Variants in GALNT18 observed in about 807,000 individuals in gnomAD.
GALNT18 encodes GalNAc-transferase 18.
GALNT18 carries 44 observed loss-of-function variants against 69.5 expected under a neutral mutation model. The observed-to-expected ratio is 0.63, with a 90% CI of 0.50 to 0.81. GALNT18 has a LOEUF of 0.81. Among genes scored for constraint, GALNT18 ranks in the 40% least tolerant of loss-of-function variants. The pLI is 0.00. For synonymous variants in GALNT18, 364 were observed against 318.2 expected (o/e 1.14, Z -1.53); for missense variants, 715 against 810.0 (o/e 0.88, Z 1.42).
intron 1 of GALNT18, among the ~76,000 whole-genome samples, chr11:11,490,677 A>G (rs7116469): frequency 0.73 from 111,757 of 152,116 alleles, 42,661 homozygotes; most frequent in South Asian, 0.88. Flanking sequence ...CAAGTCTTCC[A>G]TGGAACCATC....
At chr11:11,335,425 G>A (rs1223008684) in intron 7 of GALNT18, among the ~76,000 whole-genome samples, 1 of 152,170 alleles carries the variant, frequency 6.6e-6, no homozygotes, top group African/African-American at 2.4e-5. Flanking sequence ...CAAAGCAGGA[G>A]GCATATATTG....
At chr11:11,335,009 C>G (rs1207121439) in intron 7 of GALNT18, among the ~76,000 whole-genome samples, 1 of 152,238 alleles carries the variant, frequency 6.6e-6, no homozygotes, top group Non-Finnish European at 1.5e-5. Context: ...AAAACTGTGT[C>G]CCAGGACCCA....
intron 3 of GALNT18, among the ~76,000 whole-genome samples, chr11:11,428,619 C>T (rs1429967061): frequency 6.6e-6 from 1 of 152,232 alleles, no homozygotes; most frequent in Non-Finnish European, 1.5e-5. Flanking sequence ...TCCTCAGAGG[C>T]CCTGCTCCAA....
rs760150989 is a variant in GALNT18, at chr11:11,389,259, T to C, written c.596-9995A>G. On this transcript the variant is annotated intron_variant, in intron 3 of 10. Coordinates refer to ENST00000227756, the MANE Select transcript of GALNT18 (RefSeq NM_198516.3). The surrounding 1 kb of genome is among the most constrained non-coding windows in gnomAD (Gnocchi z 4.3). ...CTCTTTTCCAGTCTGTCCAGCAGCC[T>C]TCCGAAGGAGTCAGCTTTGTAGGCT... Among the ~76,000 whole-genome samples the C allele has an allele frequency of 6.6e-6, 1 of 152,216 alleles. No homozygotes were observed. Among genetic ancestry groups the C allele is most frequent in the Non-Finnish European group, 1.5e-5 (1 of 68,038 alleles).
Position 11,563,721 on chromosome 11 carries a change from T to TGG in GALNT18, c.235+57637_235+57638insCC, listed in dbSNP as rs1177123146. On this transcript the variant is annotated intron_variant, in intron 1 of 10. Coordinates refer to ENST00000227756, the MANE Select transcript of GALNT18 (RefSeq NM_198516.3). The surrounding 1 kb of genome is among the most constrained non-coding windows in gnomAD (Gnocchi z 4.6). ...TCCCAACGCCAAGTCTAACACTCTC[T>TGG]CCTCCCAGCCCTGCCTCCCTAGCAC... Among the ~76,000 whole-genome samples, 3 of 152,106 alleles carry TGG rather than the reference T, an allele frequency of 2.0e-5. No homozygotes were observed. Among genetic ancestry groups the TGG allele is most frequent in the Non-Finnish European group, 4.4e-5 (3 of 68,026 alleles).
intron 6 of GALNT18, among the ~76,000 whole-genome samples, chr11:11,345,689 G>A (rs1292386739): frequency 1.3e-5 from 2 of 152,142 alleles, no homozygotes; most frequent in Admixed American, 6.6e-5. Context: ...GATGAAGTGT[G>A]GGTACAGGGA....
Position 11,432,759 on chromosome 11 carries a change from G to A in GALNT18, c.457C>T (p.Leu153=), listed in dbSNP as rs1228030035. The A allele has an allele frequency of 1.9e-6, 3 of 1,614,124 alleles. No individual in the cohort carries two copies. The East Asian group carries it at 6.7e-5, about 36-fold the overall frequency. ...GCRNLSFPDS[L]PEVSIVFIFV... ...ATGAACACGATGCTCACCTCTGGCAGGCTGTCAGGAAATGAGAGGTTACGG... is the reference window on the plus strand; with the variant it reads ...ATGAACACGATGCTCACCTCTGGCAAGCTGTCAGGAAATGAGAGGTTACGG... Residue 153 remains leucine (L), a synonymous_variant, in exon 3 of 11, where the codon CTG becomes TTG. Coordinates refer to ENST00000227756, the MANE Select transcript of GALNT18 (RefSeq NM_198516.3). The surrounding 1 kb of genome is among the most constrained non-coding windows in gnomAD (Gnocchi z 5.8).
In GALNT18 at chr11:11,583,593, C is replaced by G. The variant is rs1859142374; in HGVS notation, c.235+37766G>C. Among the ~76,000 whole-genome samples the G allele has an allele frequency of 6.6e-6, 1 of 152,186 alleles. No homozygotes were observed. The highest frequency in any genetic ancestry group is 6.5e-5 in the Admixed American group (1 of 15,288). ...GCCCCAGCAAAGGATACATTTACAT[C>G]TCATTCCCCAAATGTAGGACATCCA... On this transcript the variant is annotated intron_variant, in intron 1 of 10. Coordinates refer to ENST00000227756, the MANE Select transcript of GALNT18 (RefSeq NM_198516.3). The surrounding 1 kb of genome is among the most constrained non-coding windows in gnomAD (Gnocchi z 4.7).
rs1004220194 is a variant in GALNT18 at position 11,463,927 on chromosome 11, A to T, written c.236-14991T>A. ...TGCTCATGATTTTGAAAGGGGGAAA[A>T]ATTAGTCCTTTCCATCTGGCAAATT... On this transcript the variant is annotated intron_variant, in intron 1 of 10. Transcript: ENST00000227756. The surrounding 1 kb of genome is among the most constrained non-coding windows in gnomAD (Gnocchi z 4.2). Among the ~76,000 whole-genome samples, 4 of 152,156 alleles carry T rather than the reference A, an allele frequency of 2.6e-5. No homozygotes were observed. Among genetic ancestry groups the T allele is most frequent in the African/African-American group, 9.7e-5 (4 of 41,434 alleles).
chr11:11,340,694 G>T lies in GALNT18; in HGVS notation c.1278+125C>A. ...AGCAAATAATATGTTTTGGGGTTGA[G>T]AGTCCATTCTTGCATGGCAAACAGG... is the stretch of plus-strand genomic sequence containing the variant. On this transcript the variant is annotated intron_variant, in intron 7 of 10. Coordinates refer to ENST00000227756, the MANE Select transcript of GALNT18 (RefSeq NM_198516.3). This position sits in a 1 kb window ranked among gnomAD's most constrained non-coding sequence, Gnocchi z 4.2. 1.2e-6 allele frequency: 1 copy of T among 858,996 alleles called. No individual in the cohort carries two copies. Among genetic ancestry groups the T allele is most frequent in the Non-Finnish European group, 1.8e-6 (1 of 557,350 alleles). The allele number at this position is 858,996 out of a possible 1,614,324, so 53.2% of individuals were successfully genotyped here. A position where few individuals can be genotyped will look rare whatever the true frequency, so the allele number is the denominator to read the frequency against.
intron 3 of GALNT18, among the ~76,000 whole-genome samples, chr11:11,397,532 C>T (rs777861506): frequency 3.3e-5 from 5 of 152,156 alleles, no homozygotes; most frequent in African/African-American, 9.7e-5. Context: ...GGCACCATCT[C>T]GGCTCACTGC....
chr11:11,295,689 C>G (rs541680440), intron 9 of GALNT18, among the ~76,000 whole-genome samples: 1 of 152,166 alleles, frequency 6.6e-6, no homozygotes, highest in South Asian at 2.1e-4. Context: ...ACGCTCATTA[C>G]AGCTAAGATC....
chr11:11,548,704 A>G (rs1858123031), intron 1 of GALNT18, among the ~76,000 whole-genome samples: 2 of 152,236 alleles, frequency 1.3e-5, no homozygotes, highest in South Asian at 4.1e-4. Flanking sequence ...AAACACATGC[A>G]CAATTTATCA....
chr11:11,404,437 C>T lies in GALNT18; in HGVS notation c.596-25173G>A, dbSNP rs1032231992. Among the ~76,000 whole-genome samples, 12 of 152,188 alleles carry T rather than the reference C, an allele frequency of 7.9e-5. No homozygotes were observed. The highest frequency in any genetic ancestry group is 2.7e-4 in the African/African-American group (11 of 41,444). The stretch of plus-strand genomic sequence containing the variant: ...AAGGCAAGAGGAGCAGGAGCAGGAG[C>T]TGAAGCACTCAAAGGCTGATGTAAG... On this transcript the variant is annotated intron_variant, in intron 3 of 10. Transcript: ENST00000227756. The surrounding 1 kb of genome is among the most constrained non-coding windows in gnomAD (Gnocchi z 4.5).
chr11:11,453,048 C>T (rs775587630), intron 1 of GALNT18, among the ~76,000 whole-genome samples: 2 of 152,180 alleles, frequency 1.3e-5, no homozygotes, highest in Non-Finnish European at 2.9e-5. Context: ...TCACCCAGCC[C>T]TGAGTGCTTG....
rs573104615 is a variant in GALNT18, at chr11:11,421,133, G to A, written c.595+11488C>T. On this transcript the variant is annotated intron_variant, in intron 3 of 10. Transcript: ENST00000227756. This position sits in a 1 kb window ranked among gnomAD's most constrained non-coding sequence, Gnocchi z 5.6. ...TCCTGATTCTCTAAGACAGTTTCCT[G>A]TATCGAGTAAAGGGGACAAGAGGAG... Among the ~76,000 whole-genome samples the A allele has an allele frequency of 3.0e-3, 453 of 152,184 alleles. 2 individuals are homozygous for A. The highest frequency in any genetic ancestry group is 0.011 in the African/African-American group (444 of 41,532).
chr11:11,424,743 C>A (rs1384388543), intron 3 of GALNT18, among the ~76,000 whole-genome samples: 1 of 152,116 alleles, frequency 6.6e-6, no homozygotes, highest in Non-Finnish European at 1.5e-5. Flanking sequence ...ACCTCCTAAT[C>A]CAGCTGGGGC....
rs1590131652 is a variant in GALNT18, at chr11:11,601,367, G to C, written c.235+19992C>G. On this transcript the variant is annotated intron_variant, in intron 1 of 10. Transcript: ENST00000227756. This position sits in a 1 kb window ranked among gnomAD's most constrained non-coding sequence, Gnocchi z 4.0. ...TGTGTAGTCTCTAATACTACTTCTT[G>C]AAGGTGAAACCTTAGGCATGTGCAC... 6.6e-6 allele frequency among the ~76,000 whole-genome samples: 1 copy of C among 152,206 alleles called. No homozygotes were observed. Among genetic ancestry groups the C allele is most frequent in the East Asian group, 1.9e-4 (1 of 5,176 alleles).
In GALNT18 at chr11:11,444,233, G is replaced by A. The variant is rs897710122; in HGVS notation, c.428+4511C>T. Among the ~76,000 whole-genome samples, 10 of 151,432 alleles carry A rather than the reference G, an allele frequency of 6.6e-5. No individual in the cohort carries two copies. Among genetic ancestry groups the A allele is most frequent in the Non-Finnish European group, 1.5e-4 (10 of 67,914 alleles). On this transcript the variant is annotated intron_variant, in intron 2 of 10. Coordinates refer to ENST00000227756, the MANE Select transcript of GALNT18 (RefSeq NM_198516.3). This position sits in a 1 kb window ranked among gnomAD's most constrained non-coding sequence, Gnocchi z 4.4. ...GGCCCCGCCTCCCTGCCACAGAGAG[G>A]TGCCTTGCAGATGCCACCCTCCAGG...
Sources: gnomAD v4.1 joint callset for allele counts (sites outside exome capture counted in the v4.1 genomes callset) on GRCh38, gnomAD v4.1.1 for gene constraint, Gnocchi (gnomAD v3.1) non-coding constraint, MANE v1.5 for transcripts, NCBI Gene and HGNC (gene_info 2026-07-23, HGNC 2026-07-21) for gene names.